DMD: variants seen among roughly 807,000 people sequenced by gnomAD.
DMD encodes the protein mutant dystrophin.
DMD carries 63 observed loss-of-function variants against 330.1 expected under a neutral mutation model. That is an observed-to-expected ratio of 0.19 (90% CI 0.16 to 0.24). DMD has a LOEUF of 0.24. DMD is among the 10% of genes least tolerant of loss of function. The pLI, the probability that DMD is intolerant of heterozygous loss-of-function variation, is 1.00. For synonymous variants in DMD, 1,223 were observed against 959.8 expected, an observed-to-expected ratio of 1.27 and a Z score of -5.07; for missense variants, 3,344 against 2,684.1, an observed-to-expected ratio of 1.25 and a Z score of -5.43.
At chrX:32,040,111 T>G (rs772761711) in intron 44 of DMD, among the ~76,000 whole-genome samples, 10 of 112,015 alleles carry the variant, frequency 8.9e-5, no homozygotes, top group South Asian at 7.4e-4. Flanking sequence ...TAAAAAGTAT[T>G]TTTTCTCACT....
intron 42 of DMD, among the ~76,000 whole-genome samples, chrX:32,308,183 T>C (rs903064768): frequency 1.8e-5 from 2 of 111,012 alleles, no homozygotes; most frequent in Admixed American, 9.6e-5. Context: ...CCATACGTGC[T>C]ATTTTAGTTG....
intron 1 of DMD, among the ~76,000 whole-genome samples, chrX:33,181,692 A>T (rs1374520198): frequency 8.9e-6 from 1 of 112,309 alleles, no homozygotes; most frequent in Non-Finnish European, 1.9e-5. Context: ...AAAATTTGCC[A>T]TATGTCATTA....
Position 32,414,927 on chromosome X carries a change from T to C in DMD, c.4072-3014A>G, listed in dbSNP as rs1482415729. On this transcript the variant is annotated intron_variant, in intron 29 of 78. Coordinates refer to ENST00000357033, the MANE Select transcript of DMD (RefSeq NM_004006.3). The stretch of plus-strand genomic sequence containing the variant: ...AATTTCAACTAAAATTTACATCAGG[T>C]AATTTACTATTTCAGATAACAGTGT... Among the ~76,000 whole-genome samples the C allele has an allele frequency of 4.7e-4, 53 of 111,894 alleles. 1 individual carries two copies. Among genetic ancestry groups the C allele is most frequent in the Non-Finnish European group, 7.5e-5 (4 of 53,208 alleles).
chrX:31,849,535 CAGA>C (rs1335594086), intron 48 of DMD, among the ~76,000 whole-genome samples: 3 of 110,049 alleles, frequency 2.7e-5, no homozygotes, highest in Non-Finnish European at 5.7e-5. Context: ...AGACAGGAAG[CAGA>C]AGAAGTACGG....
In DMD at chrX:32,330,975, C is replaced by T. The variant is rs537364847; in HGVS notation, c.5922+11125G>A. Among the ~76,000 whole-genome samples the T allele has an allele frequency of 3.6e-5, 4 of 111,384 alleles. No individual in the cohort carries two copies. In the South Asian group the frequency reaches 1.5e-3, roughly 41 times the overall value. On this transcript the variant is annotated intron_variant, in intron 41 of 78. Coordinates refer to ENST00000357033, the MANE Select transcript of DMD (RefSeq NM_004006.3). ...CCCCATCATCAAAGAAAATCATCAACAAAACTCTGTGTTAATTCAATAAGT... is the reference window on the plus strand; with the variant it reads ...CCCCATCATCAAAGAAAATCATCAATAAAACTCTGTGTTAATTCAATAAGT...
intron 63 of DMD, among the ~76,000 whole-genome samples, chrX:31,225,426 T>C (rs1274409806): frequency 8.9e-6 from 1 of 112,457 alleles, no homozygotes; most frequent in Non-Finnish European, 1.9e-5. Flanking sequence ...AATATGAAGA[T>C]TGTTGAAAAA....
At chrX:31,189,897 A>G (rs1035170657) in intron 67 of DMD, among the ~76,000 whole-genome samples, 8 of 112,840 alleles carry the variant, frequency 7.1e-5, no homozygotes, top group Non-Finnish European at 1.5e-4. Flanking sequence ...AATTTCCTTT[A>G]TCGATTACAG....
At chrX:31,767,017 A>C (rs1051076812) in intron 51 of DMD, among the ~76,000 whole-genome samples, 1 of 110,891 alleles carries the variant, frequency 9.0e-6, no homozygotes, top group Non-Finnish European at 1.9e-5. Flanking sequence ...CGTTGAAGAT[A>C]ATAGTGGATT....
chrX:31,640,362 A>C (rs2079662243), intron 54 of DMD, among the ~76,000 whole-genome samples: 1 of 112,332 alleles, frequency 8.9e-6, no homozygotes, highest in African/African-American at 3.2e-5. Flanking sequence ...TTTAACTTTT[A>C]CACTAACTAT....
intron 2 of DMD, among the ~76,000 whole-genome samples, chrX:32,963,631 T>C (rs775381103): frequency 3.6e-5 from 4 of 112,581 alleles, no homozygotes; most frequent in Non-Finnish European, 7.5e-5. Flanking sequence ...GCTTTACTGC[T>C]TCCTTGTTAA....
At chrX:32,723,833 G>A (rs868674228) in intron 7 of DMD, among the ~76,000 whole-genome samples, 2 of 108,694 alleles carry the variant, frequency 1.8e-5, no homozygotes, top group Middle Eastern at 4.7e-3. Flanking sequence ...ATTATCTTAG[G>A]CCACACCTAA....
intron 48 of DMD, among the ~76,000 whole-genome samples, chrX:31,837,025 T>C (rs1295989369): frequency 8.9e-6 from 1 of 111,786 alleles, no homozygotes; most frequent in African/African-American, 3.3e-5. Flanking sequence ...TCCAATATCT[T>C]CTTGAATTAT....
chrX:31,386,586 T>C (rs978205717), intron 60 of DMD, among the ~76,000 whole-genome samples: 1 of 112,130 alleles, frequency 8.9e-6, no homozygotes, highest in Non-Finnish European at 1.9e-5. Flanking sequence ...GTCTTTATGC[T>C]CCCTGGGGAC....
At chrX:32,784,925 T>C (rs2075222048) in intron 7 of DMD, among the ~76,000 whole-genome samples, 1 of 111,505 alleles carries the variant, frequency 9.0e-6, no homozygotes, top group Admixed American at 9.6e-5. Flanking sequence ...ATCTTTTACT[T>C]CCTGACACAC....
At chrX:31,208,973 A>C (rs1488789466) in intron 65 of DMD, among the ~76,000 whole-genome samples, 2 of 112,220 alleles carry the variant, frequency 1.8e-5, no homozygotes, top group Non-Finnish European at 1.9e-5. Context: ...CTTATTAAAA[A>C]ACAAAAGAAA....
At chrX:32,384,319 C>G (rs1429787316) in intron 33 of DMD, among the ~76,000 whole-genome samples, 1 of 110,225 alleles carries the variant, frequency 9.1e-6, no homozygotes, top group Non-Finnish European at 1.9e-5. Context: ...ATTTTTCTGT[C>G]TGTGGTGATC....
intron 29 of DMD, among the ~76,000 whole-genome samples, chrX:32,432,478 T>C (rs193229255): frequency 4.7e-4 from 53 of 111,930 alleles, no homozygotes; most frequent in Non-Finnish European, 8.6e-4. Flanking sequence ...CTACTAGACA[T>C]TTTCCAGCAT....
chrX:31,748,594 CA>C (rs1484461058), intron 51 of DMD, among the ~76,000 whole-genome samples: 1 of 112,127 alleles, frequency 8.9e-6, no homozygotes, highest in Non-Finnish European at 1.9e-5. Context: ...TACAGCGTAG[CA>C]ATTACTACAA....
chrX:32,378,668 AAAT>A (rs1262814124), intron 34 of DMD, among the ~76,000 whole-genome samples: 1 of 111,232 alleles, frequency 9.0e-6, no homozygotes, highest in African/African-American at 3.2e-5. Flanking sequence ...AAATTTTTTA[AAAT>A]AATAAAAAAG....
Sources: allele counts gnomAD v4.1 joint callset (sites outside exome capture counted in the v4.1 genomes callset), GRCh38; gene constraint gnomAD v4.1.1; transcripts MANE v1.5; gene names NCBI Gene and HGNC (gene_info 2026-07-23, HGNC 2026-07-21).